The following IFT122 variants were observed in gnomAD, a reference collection of about 807,000 sequenced individuals.
The protein encoded by IFT122 is intraflagellar transport protein 122 homolog.
Under a neutral mutation model 161.6 loss-of-function variants are expected in IFT122, and 118 were observed. That is an observed-to-expected ratio of 0.73 (90% confidence interval 0.63 to 0.85). The LOEUF (loss-of-function observed/expected upper bound fraction) is 0.85. Ranked by LOEUF, IFT122 falls within the 40% of genes least tolerant of loss-of-function variation. The pLI, the probability that IFT122 is intolerant of heterozygous loss-of-function variation, is 0.00. For missense variants in IFT122, 1,381 were observed against 1,579.6 expected (o/e 0.87, Z 2.13); for synonymous variants, 550 against 602.4 (o/e 0.91, Z 1.27).
At position 129,466,908 on chromosome 3, in the gene IFT122, G is replaced by T. The variant is rs748956276; in HGVS notation, c.582G>T (p.Trp194Cys). ...TCTACAGCCGATGGGAGAGTTTCTGGATGAACAGAGAGAATGAGGATGCCG... is the reference window on the plus strand; with the variant it reads ...TCTACAGCCGATGGGAGAGTTTCTGTATGAACAGAGAGAATGAGGATGCCG... The part of the protein sequence containing the change: ...WNPSSRWESF[W>C]MNRENEDAED... The change falls in exon 8 of 30, where the codon TGG becomes TGT. Residue 194 changes from tryptophan (W) to cysteine (C), a missense_variant. Trp to Cys is a radical substitution (Grantham distance 215, BLOSUM62 -2). Coordinates refer to ENST00000348417, the MANE Select transcript of IFT122 (RefSeq NM_052989.3). 6 of 1,614,206 alleles carry T rather than the reference G, an allele frequency of 3.7e-6. 1 individual carries two copies. In the South Asian group the frequency reaches 6.6e-5, roughly 18 times the overall value.
intron 14 of IFT122, among the ~76,000 whole-genome samples, 195 bp from the exon 15 acceptor site, chr3:129,483,290 A>G (rs1202209624): frequency 8.5e-5 from 13 of 152,138 alleles, no homozygotes; most frequent in Non-Finnish European, 1.3e-4. Context: ...ACGCAGGTGC[A>G]TGGAGGGGCT....
chr3:129,501,773 G>T (rs916430576), intron 19 of IFT122, among the ~76,000 whole-genome samples: 1 of 152,160 alleles, frequency 6.6e-6, no homozygotes, highest in Non-Finnish European at 1.5e-5. Context: ...AGGCTGTAAG[G>T]GCTGTCTATG....
At chr3:129,469,587 C>T (rs2077151061) in intron 9 of IFT122, among the ~76,000 whole-genome samples, 170 bp downstream of exon 9, 1 of 152,144 alleles carries the variant, frequency 6.6e-6, no homozygotes, top group Admixed American at 6.5e-5. Flanking sequence ...CTATTTTATT[C>T]TTATAAAACC....
intron 25 of IFT122, 44 bp downstream of exon 25, chr3:129,514,598 TGA>T: frequency 6.2e-7 from 1 of 1,607,534 alleles, no homozygotes; most frequent in South Asian, 1.1e-5. Flanking sequence ...TCCTCTCCCT[TGA>T]GGCCATCTCA....
chr3:129,448,836 C>T (rs949499752), intron 1 of IFT122, among the ~76,000 whole-genome samples: 1 of 151,980 alleles, frequency 6.6e-6, no homozygotes, highest in Non-Finnish European at 1.5e-5. Flanking sequence ...GGATTACAGG[C>T]GCTCACCACC....
At chr3:129,459,272 AC>A (rs2075885337) in intron 4 of IFT122, 1 of 452,784 alleles carries the variant, frequency 2.2e-6, no homozygotes, top group African/African-American at 2.0e-5. Context: ...AAGAACAGAT[AC>A]TGCATCTATT....
At chr3:129,514,787 C>G in intron 25 of IFT122, 1 of 620,770 alleles carries the variant, frequency 1.6e-6, no homozygotes, top group South Asian at 1.8e-5. Flanking sequence ...GGCCTCAGCC[C>G]TCAGCCTGGC....
Position 129,492,163 on chromosome 3 carries a change from T to G in IFT122, c.2015T>G (p.Leu672Arg), listed in dbSNP as rs1259202511. Reference sequence around the variant, plus strand: ...CAGGCCTTCATCAGAGTACAAGACCTCCGATATTTAGAGCTCATCAGCAGC... The same window carrying G: ...CAGGCCTTCATCAGAGTACAAGACCGCCGATATTTAGAGCTCATCAGCAGC... ...AKKAFIRVQD[L>R]RYLELISSIE... Residue 672 changes from leucine to arginine, a missense_variant, in exon 17 of 30, where the codon CTC becomes CGC. Transcript: ENST00000348417. The G allele has an allele frequency of 3.1e-6, 5 of 1,613,250 alleles. No homozygotes were observed. Among genetic ancestry groups the G allele is most frequent in the Non-Finnish European group, 4.2e-6 (5 of 1,179,300 alleles).
At chr3:129,460,781 G>A (rs949120073) in intron 4 of IFT122, 3 of 1,121,128 alleles carry the variant, frequency 2.7e-6, no homozygotes, top group Middle Eastern at 2.0e-4. Context: ...GGACTAAAAC[G>A]GGTTGAGACG....
chr3:129,489,255 T>C (rs1336553220), intron 16 of IFT122, among the ~76,000 whole-genome samples: 2 of 152,194 alleles, frequency 1.3e-5, no homozygotes, highest in Non-Finnish European at 2.9e-5. Flanking sequence ...AGACCAGGAC[T>C]AAGAAGCCTG....
At chr3:129,463,648 A>G (rs2076410620) in intron 6 of IFT122, 22 bp downstream of exon 6, 1 of 1,581,434 alleles carries the variant, frequency 6.3e-7, no homozygotes, top group Non-Finnish European at 8.7e-7. Flanking sequence ...TCTGACGATA[A>G]GATTTATGTT....
chr3:129,476,632 G>A (rs778279982), intron 10 of IFT122, 31 bp from the exon 11 acceptor site: 1 of 1,614,222 alleles, frequency 6.2e-7, no homozygotes, highest in Non-Finnish European at 8.5e-7. Context: ...TCTCCAGAGA[G>A]CTGGGAATTG....
chr3:129,469,503 T>C, intron 9 of IFT122, 86 bp downstream of exon 9: 1 of 1,044,396 alleles, frequency 9.6e-7, no homozygotes, highest in Non-Finnish European at 1.5e-6. Flanking sequence ...TTATACATTA[T>C]CATTGTTAGT....
Position 129,479,811 on chromosome 3 carries a change from C to T in IFT122, c.1377C>T (p.Phe459=). 1.2e-6 allele frequency: 2 copies of T among 1,614,052 alleles called. No individual in the cohort carries two copies. The highest frequency in any genetic ancestry group is 8.5e-7 in the Non-Finnish European group (1 of 1,180,030). The change falls in exon 13 of 30, where the codon TTC becomes TTT. Residue 459 remains phenylalanine (F), a synonymous_variant. Coordinates refer to ENST00000348417, the MANE Select transcript of IFT122 (RefSeq NM_052989.3). ...CQEKRLQCLS[F]SGVKEREWQM... ...AGAAACGGCTGCAGTGCCTGTCCTT[C>T]AGCGGAGTGAAGGAGCGGGAGTGGC...
chr3:129,476,541 C>G, intron 10 of IFT122, 35 bp downstream of exon 10: 1 of 1,613,694 alleles, frequency 6.2e-7, no homozygotes, highest in Non-Finnish European at 8.5e-7. Context: ...GGGGCCATGG[C>G]TTGAAGAGGC....
chr3:129,449,631 C>T (rs1357928599), intron 1 of IFT122, among the ~76,000 whole-genome samples: 2 of 152,202 alleles, frequency 1.3e-5, no homozygotes, highest in Non-Finnish European at 2.9e-5. Flanking sequence ...TTTCTTGTGT[C>T]TGGCTTCTGG....
At chr3:129,459,481 G>A (rs2075933584) in intron 4 of IFT122, 5 of 307,388 alleles carry the variant, frequency 1.6e-5, no homozygotes, top group South Asian at 1.2e-4. Flanking sequence ...AGTAGAGATG[G>A]GGTTTCACCA....
chr3:129,456,265 G>C, intron 3 of IFT122: 1 of 1,264,966 alleles, frequency 7.9e-7, no homozygotes. Flanking sequence ...GATGGAAATA[G>C]TAAGAGCAGT....
At chr3:129,520,077 C>A in intron 29 of IFT122, 99 bp from the exon 30 acceptor site, 1 of 997,302 alleles carries the variant, frequency 1.0e-6, no homozygotes, top group Non-Finnish European at 1.5e-6. Flanking sequence ...CTGACCACTG[C>A]CAAGCCCCCT....
Sources: allele counts gnomAD v4.1 joint callset (sites outside exome capture counted in the v4.1 genomes callset), GRCh38; gene constraint gnomAD v4.1.1; transcripts MANE v1.5; gene names NCBI Gene and HGNC (gene_info 2026-07-23, HGNC 2026-07-21).